Variants in CLYBL observed in about 807,000 individuals in gnomAD.
CLYBL encodes the protein citramalyl-CoA lyase, mitochondrial.
A neutral mutation model predicts 38.9 loss-of-function variants in CLYBL; 31 were observed. That is an observed-to-expected ratio of 0.80 (90% CI 0.60 to 1.08). The LOEUF is 1.08. Ranked by LOEUF, CLYBL falls within the 50% of genes least tolerant of loss-of-function variation. The pLI, the probability that CLYBL is intolerant of heterozygous loss-of-function variation, is 0.00. For missense variants in CLYBL, 434 were observed against 411.6 expected (o/e 1.05, Z -0.47); for synonymous variants, 171 against 158.6 (o/e 1.08, Z -0.59).
chr13:99,738,069 C>T (rs2048695401), intron 1 of CLYBL, among the ~76,000 whole-genome samples: 1 of 152,166 alleles, frequency 6.6e-6, no homozygotes, highest in Non-Finnish European at 1.5e-5. Flanking sequence ...CCATGCAGTA[C>T]TTAAGGAGCA....
chr13:99,715,564 G>A (rs1165485529), intron 1 of CLYBL, among the ~76,000 whole-genome samples: 1 of 151,816 alleles, frequency 6.6e-6, no homozygotes, highest in African/African-American at 2.4e-5. Flanking sequence ...CACCATGCCT[G>A]GGTAATTTTT....
chr13:99,880,480 C>A (rs2052176861), intron 7 of CLYBL, among the ~76,000 whole-genome samples: 1 of 152,216 alleles, frequency 6.6e-6, no homozygotes, highest in Non-Finnish European at 1.5e-5. Flanking sequence ...TTGTGGATCA[C>A]ACAGCTAGGA....
chr13:99,820,746 T>C (rs2050572346), intron 2 of CLYBL, among the ~76,000 whole-genome samples: 1 of 152,214 alleles, frequency 6.6e-6, no homozygotes, highest in African/African-American at 2.4e-5. Context: ...CATTTAGGTT[T>C]CGTGTGAACT....
At chr13:99,732,831 G>A (rs570212926) in intron 1 of CLYBL, among the ~76,000 whole-genome samples, 3 of 152,238 alleles carry the variant, frequency 2.0e-5, no homozygotes, top group South Asian at 2.1e-4. Context: ...AAATACATCC[G>A]CTTTCTTTGA....
chr13:99,785,991 C>T (rs1230648006), intron 2 of CLYBL, among the ~76,000 whole-genome samples: 1 of 152,070 alleles, frequency 6.6e-6, no homozygotes, highest in Non-Finnish European at 1.5e-5. Flanking sequence ...TCCCTCTCCA[C>T]CTTGTCTCTG....
intron 1 of CLYBL, among the ~76,000 whole-genome samples, chr13:99,691,872 G>A (rs2047908307): frequency 6.6e-6 from 1 of 152,208 alleles, no homozygotes; most frequent in Non-Finnish European, 1.5e-5. Flanking sequence ...CCCATGGGAT[G>A]AAGAAACAGC....
intron 1 of CLYBL, among the ~76,000 whole-genome samples, chr13:99,676,222 T>TTCCTTCCTTCCG (rs2047646641): frequency 2.1e-5 from 2 of 93,584 alleles, no homozygotes; most frequent in Admixed American, 2.2e-4. Context: ...CCTTCCTTCC[T>TTCCTTCCTTCCG]TCCTTCCTTC....
At chr13:99,777,557 A>G (rs9517880) in intron 2 of CLYBL, among the ~76,000 whole-genome samples, 40,945 of 148,574 alleles carry the variant, frequency 0.28, 5,706 homozygotes, top group Middle Eastern at 0.3. Context: ...CAATGGTGTG[A>G]TCTCAGCTTA....
chr13:99,634,656 ATTAC>A (rs1335044347), intron 1 of CLYBL, among the ~76,000 whole-genome samples: 2 of 142,728 alleles, frequency 1.4e-5, no homozygotes, highest in South Asian at 2.6e-4. Flanking sequence ...ATGTGGATGT[ATTAC>A]TTATTTTTTT....
At chr13:99,880,974 CT>C in intron 7 of CLYBL, among the ~76,000 whole-genome samples, 1 of 152,252 alleles carries the variant, frequency 6.6e-6, no homozygotes, top group Non-Finnish European at 1.5e-5. Context: ...TGAACCTGGG[CT>C]TTCCGGGGCC....
chr13:99,774,335 C>T (rs1411849273), intron 2 of CLYBL, among the ~76,000 whole-genome samples: 2 of 152,194 alleles, frequency 1.3e-5, no homozygotes, highest in Non-Finnish European at 2.9e-5. Context: ...TTTTGCTCAA[C>T]TTTGTTTTCT....
chr13:99,629,981 C>T (rs2046920654), intron 1 of CLYBL, among the ~76,000 whole-genome samples: 2 of 152,268 alleles, frequency 1.3e-5, no homozygotes, highest in South Asian at 4.1e-4. Flanking sequence ...ACAGGGCCTT[C>T]AGTTGTGTTG....
At chr13:99,894,739 G>C (rs906462698), downstream of CLYBL, 8 of 95,126 alleles carry the variant, frequency 8.4e-5, no homozygotes, top group Non-Finnish European at 1.3e-4. Context: ...CCTGAGGCGG[G>C]GGGGGGGGGG....
intron 1 of CLYBL, among the ~76,000 whole-genome samples, chr13:99,665,878 C>A (rs537076654): frequency 6.6e-6 from 1 of 152,318 alleles, no homozygotes; most frequent in Admixed American, 6.5e-5. Context: ...GGAATTCGCG[C>A]CACCCTGACC....
intron 7 of CLYBL, among the ~76,000 whole-genome samples, chr13:99,882,894 TC>T (rs2052248317): frequency 6.6e-6 from 1 of 151,852 alleles, no homozygotes. Flanking sequence ...GATCTACCCT[TC>T]CCCTGGCGCC....
intron 2 of CLYBL, among the ~76,000 whole-genome samples, chr13:99,823,811 G>T (rs923186895): frequency 6.6e-6 from 1 of 152,094 alleles, no homozygotes; most frequent in African/African-American, 2.4e-5. Flanking sequence ...TAACCTATAT[G>T]TTCTATTTTT....
chr13:99,707,362 C>T (rs371346385), intron 1 of CLYBL, among the ~76,000 whole-genome samples: 1 of 151,880 alleles, frequency 6.6e-6, no homozygotes, highest in South Asian at 2.1e-4. Flanking sequence ...CTCCGCCTCC[C>T]GGGTTCAAGC....
In CLYBL at chr13:99,664,547, T is replaced by C. The variant is rs1594108227; in HGVS notation, c.62+57790T>C. On this transcript the variant is annotated intron_variant, in intron 1 of 8. Coordinates refer to ENST00000339105, the MANE Select transcript of CLYBL (RefSeq NM_206808.5). ...TTTGCGTAGTACTTTATAATTTCCA[T>C]GTACTTTTATAAACACTATTACATA... Among the ~76,000 whole-genome samples the C allele has an allele frequency of 2.0e-5, 3 of 152,362 alleles. No individual in the cohort carries two copies. The South Asian group carries it at 6.2e-4, about 32-fold the overall frequency.
intron 1 of CLYBL, among the ~76,000 whole-genome samples, chr13:99,645,202 A>G (rs961962378): frequency 6.6e-6 from 1 of 152,222 alleles, no homozygotes; most frequent in African/African-American, 2.4e-5. Flanking sequence ...TCTTTTAGAT[A>G]AAAGTCATTT....
Sources: allele counts gnomAD v4.1 joint callset (sites outside exome capture counted in the v4.1 genomes callset), GRCh38; gene constraint gnomAD v4.1.1; transcripts MANE v1.5; gene names NCBI Gene and HGNC (gene_info 2026-07-23, HGNC 2026-07-21).